GOLGA1: variants seen among roughly 807,000 people sequenced by gnomAD.
GOLGA1 encodes the protein golgin A1, also known as golgin subfamily A member 1.
GOLGA1 carries 63 observed loss-of-function variants against 119.7 expected under a neutral mutation model. The observed-to-expected ratio is 0.53, with a 90% CI of 0.43 to 0.65. The LOEUF is 0.65. GOLGA1 is among the 30% of genes least tolerant of loss of function. GOLGA1 has a pLI of 0.00. For missense variants in GOLGA1, 798 were observed against 912.8 expected, an observed-to-expected ratio of 0.87 and a Z score of 1.62; for synonymous variants, 318 against 333.4, an observed-to-expected ratio of 0.95 and a Z score of 0.50.
Position 124,938,584 on chromosome 9 carries a change from T to C in GOLGA1, c.128A>G (p.Asp43Gly). Residue 43 changes from aspartate (D) to glycine (G), a missense_variant, in exon 3 of 23, where the codon GAT (aspartate) becomes GGT (glycine). By Grantham distance (94) the Asp-to-Gly change is moderately conservative (BLOSUM62 -1). Transcript: ENST00000373555. The stretch of plus-strand genomic sequence containing the variant: ...TTAAGTAAAGGTACTTACAAAGTCA[T>C]CTCCTGAGTCAGCTCCCATTGAGGC... ...SVASMGADSG[D>G]DFASDGSSSR... The C allele has an allele frequency of 6.2e-7, 1 of 1,612,168 alleles. No homozygotes were observed. The highest frequency in any genetic ancestry group is 8.5e-7 in the Non-Finnish European group (1 of 1,178,806).
chr9:124,946,063 T>C (rs193201749), upstream of GOLGA1: 246 of 152,334 alleles, frequency 1.6e-3, 1 homozygote, highest in African/African-American at 5.7e-3. The surrounding 1 kb of genome is among the most constrained non-coding windows in gnomAD (Gnocchi z 4.0). Flanking sequence ...TCAAGTGTTT[T>C]CTACTGTACT....
intron 19 of GOLGA1, among the ~76,000 whole-genome samples, chr9:124,886,344 GAGA>G (rs1829720106): frequency 6.6e-6 from 1 of 152,224 alleles, no homozygotes; most frequent in Admixed American, 6.5e-5. Flanking sequence ...AGAGGAGACG[GAGA>G]AGGAGCAGGC....
At chr9:124,900,690 A>C (rs1830086049) in intron 12 of GOLGA1, 143 bp from the exon 13 acceptor site, 2 of 514,748 alleles carry the variant, frequency 3.9e-6, no homozygotes, top group Admixed American at 3.7e-5. Context: ...GCATAAGTCT[A>C]CCATTATAAA....
In GOLGA1 at chr9:124,888,191, T is replaced by G; in HGVS notation, c.1905+62A>C. ...AAACCTCCAAGGATGGACTGGGTCA[T>G]TTTAGGCCTGAGGGTGAGGACCTGG... On this transcript the variant is annotated intron_variant, in intron 19 of 22. Transcript: ENST00000373555. The surrounding 1 kb of genome is among the most constrained non-coding windows in gnomAD (Gnocchi z 4.4). The G allele has an allele frequency of 3.1e-5, 46 of 1,491,210 alleles. No individual in the cohort carries two copies. Among genetic ancestry groups the G allele is most frequent in the Non-Finnish European group, 4.0e-5 (43 of 1,070,810 alleles). The allele number at this position is 1,491,210 out of a possible 1,614,324, so 92.4% of individuals were successfully genotyped here.
rs911281158 is a variant in GOLGA1 at position 124,888,495 on chromosome 9, G to A, written c.1762-99C>T. On this transcript the variant is annotated intron_variant, in intron 18 of 22. Coordinates refer to ENST00000373555, the MANE Select transcript of GOLGA1 (RefSeq NM_002077.4). The surrounding 1 kb of genome is among the most constrained non-coding windows in gnomAD (Gnocchi z 4.4). ...GGAGCTAGACTCGTCCCTTAGGTAT[G>A]GGCGTTGTGCTCCAACAGGCAACTG... The A allele has an allele frequency of 9.4e-5, 102 of 1,079,822 alleles. 1 individual carries two copies. Among genetic ancestry groups the A allele is most frequent in the Non-Finnish European group, 9.5e-5 (69 of 723,984 alleles). 66.9% of individuals were successfully genotyped at this position (1,079,822 alleles called of 1,614,324 possible).
intron 22 of GOLGA1, 86 bp from the exon 23 acceptor site, chr9:124,880,696 C>T (rs914259171): frequency 1.2e-4 from 96 of 802,568 alleles, no homozygotes; most frequent in Non-Finnish European, 5.9e-5. Context: ...TCCCGTGAGC[C>T]TGTCACTCCT....
Position 124,890,257 on chromosome 9 carries a change from C to T in GOLGA1, c.1497+132G>A, listed in dbSNP as rs1588059867. 4.5e-6 allele frequency: 3 copies of T among 659,426 alleles called. No homozygotes were observed. In the East Asian group the frequency reaches 7.9e-5, roughly 17 times the overall value. The allele number at this position is 659,426 out of a possible 1,614,324, so 40.8% of individuals were successfully genotyped here. A position where few individuals can be genotyped will look rare whatever the true frequency, so the allele number is the denominator to read the frequency against. ...GCACAGGGGCCCACGCAGCTGACTGCATTCCCTGAGTCCTGAGTCTACTAC... is the reference window on the plus strand; with the variant it reads ...GCACAGGGGCCCACGCAGCTGACTGTATTCCCTGAGTCCTGAGTCTACTAC... On this transcript the variant is annotated intron_variant, in intron 16 of 22. Coordinates refer to ENST00000373555, the MANE Select transcript of GOLGA1 (RefSeq NM_002077.4).
intron 2 of GOLGA1, among the ~76,000 whole-genome samples, chr9:124,939,857 C>T (rs1430631046): frequency 2.0e-5 from 3 of 152,098 alleles, no homozygotes; most frequent in African/African-American, 7.2e-5. Context: ...CCACTGCGCC[C>T]GGCCTCACAG....
intron 15 of GOLGA1, among the ~76,000 whole-genome samples, chr9:124,895,407 CAGAGA>C (rs1829951132): frequency 2.1e-5 from 3 of 142,836 alleles, no homozygotes; most frequent in African/African-American, 7.9e-5. Flanking sequence ...CTCTCCACAA[CAGAGA>C]CGCTCCACAA....
Position 124,888,343 on chromosome 9 carries a change from T to C in GOLGA1, c.1815A>G (p.Arg605=), listed in dbSNP as rs1018764984. ...DPVFQLPTAG[R]TPNGEVGAMD... Reference sequence around the variant, plus strand: ...TGGCCCCAACCTCACCATTTGGTGTTCTTCCTGCAGTTGGAAGCTGGAACA... The same window carrying C: ...TGGCCCCAACCTCACCATTTGGTGTCCTTCCTGCAGTTGGAAGCTGGAACA... The change falls in exon 19 of 23, where the codon AGA becomes AGG. Residue 605 remains arginine (R), a synonymous_variant. Transcript: ENST00000373555. The surrounding 1 kb of genome is among the most constrained non-coding windows in gnomAD (Gnocchi z 4.4). 6.2e-7 allele frequency: 1 copy of C among 1,613,764 alleles called. No individual in the cohort carries two copies. The highest frequency in any genetic ancestry group is 1.3e-5 in the African/African-American group (1 of 74,928).
chr9:124,937,200 T>TC (rs1249746854), intron 3 of GOLGA1, among the ~76,000 whole-genome samples: 1 of 152,186 alleles, frequency 6.6e-6, no homozygotes, highest in East Asian at 1.9e-4. Context: ...ACCCCTGTAA[T>TC]CCTAGCACTT....
intron 1 of GOLGA1, chr9:124,947,030 T>C (rs1244638853): frequency 1.3e-5 from 2 of 152,138 alleles, no homozygotes; most frequent in African/African-American, 4.8e-5. Context: ...CCTTAGCTAA[T>C]GCCCCCTTTT....
rs1829798024 is a variant in GOLGA1 at position 124,889,204 on chromosome 9, T to A, written c.1700A>T (p.Glu567Val). The change falls in exon 18 of 23, where the codon GAG becomes GTG. Residue 567 changes from glutamate to valine, a missense_variant. Coordinates refer to ENST00000373555, the MANE Select transcript of GOLGA1 (RefSeq NM_002077.4). ...TGGGCCCCGCAGCCTCAGCAGGTCC[T>A]CCTGCTCCGCGACCACTGCAGCCTC... ...AEEAAVVAEQEDLLRLRGPLQ... is the reference protein window; with the variant it reads ...AEEAAVVAEQVDLLRLRGPLQ... 6.2e-7 allele frequency: 1 copy of A among 1,612,564 alleles called. No individual in the cohort carries two copies. Among genetic ancestry groups the A allele is most frequent in the African/African-American group, 1.3e-5 (1 of 75,018 alleles).
At chr9:124,903,792 T>C (rs147708079) in intron 12 of GOLGA1, among the ~76,000 whole-genome samples, 5,439 of 152,226 alleles carry the variant, frequency 0.036, 116 homozygotes, top group Admixed American at 0.053. Flanking sequence ...GGCTCATACC[T>C]GTAATCCCAG....
chr9:124,941,157 T>C (rs916413877), upstream of GOLGA1: 4 of 152,380 alleles, frequency 2.6e-5, no homozygotes, highest in East Asian at 5.8e-4. Context: ...CATGCGCCCG[T>C]GCGCGGCCTT....
intron 15 of GOLGA1, among the ~76,000 whole-genome samples, chr9:124,890,831 G>C (rs1250156347): frequency 6.6e-6 from 1 of 152,092 alleles, no homozygotes; most frequent in African/African-American, 2.4e-5. Context: ...TGAATGGAGT[G>C]GGGGACTGGA....
chr9:124,884,182 T>G (rs923216177), intron 19 of GOLGA1, among the ~76,000 whole-genome samples: 1 of 152,010 alleles, frequency 6.6e-6, no homozygotes. Flanking sequence ...CAGCTAATTT[T>G]TGTCATTTTA....
Position 124,891,207 on chromosome 9 carries a change from C to A in GOLGA1, c.1408-729G>T, listed in dbSNP as rs375603289. On this transcript the variant is annotated intron_variant, in intron 15 of 22. Transcript: ENST00000373555. Reference sequence around the variant, plus strand: ...CTAGCGCCTCAGAGCCACCTAAGATCCAGCACTGTGGGAGGTGGGGTTGAC... The same window carrying A: ...CTAGCGCCTCAGAGCCACCTAAGATACAGCACTGTGGGAGGTGGGGTTGAC... 1.2e-4 allele frequency among the ~76,000 whole-genome samples: 19 copies of A among 152,274 alleles called. No homozygotes were observed. In the East Asian group the frequency reaches 1.7e-3, roughly 14 times the overall value.
chr9:124,890,326 G>GA, intron 16 of GOLGA1, 63 bp downstream of exon 16: 1 of 1,105,644 alleles, frequency 9.0e-7, no homozygotes, highest in Non-Finnish European at 1.4e-6. Flanking sequence ...CTCACGGCAG[G>GA]ATGGGCCTGC....
Sources: gnomAD v4.1 joint callset for allele counts (sites outside exome capture counted in the v4.1 genomes callset) on GRCh38, gnomAD v4.1.1 for gene constraint, Gnocchi (gnomAD v3.1) non-coding constraint, MANE v1.5 for transcripts, NCBI Gene and HGNC (gene_info 2026-07-23, HGNC 2026-07-21) for gene names.